TRIM9: variants seen among roughly 807,000 people sequenced by gnomAD.
TRIM9 encodes tripartite motif containing 9, also known as E3 ubiquitin-protein ligase TRIM9.
TRIM9 carries 26 observed loss-of-function variants against 78.3 expected under a neutral mutation model. That is an observed-to-expected ratio of 0.33 (90% CI 0.24 to 0.46). The LOEUF is 0.46. Among genes scored for constraint, TRIM9 ranks in the 20% least tolerant of loss-of-function variants. The probability of loss-of-function intolerance (pLI) is 1.00; values close to 1 mark genes in which losing one functional copy is unlikely to be tolerated. For synonymous variants in TRIM9, 398 were observed against 416.5 expected, an observed-to-expected ratio of 0.96 and a Z score of 0.54; for missense variants, 787 against 1,036.4, an observed-to-expected ratio of 0.76 and a Z score of 3.30.
chr14:51,066,079 AGG>A, intron 1 of TRIM9, among the ~76,000 whole-genome samples: 1 of 99,426 alleles, frequency 1.0e-5, no homozygotes, highest in Admixed American at 1.2e-4. Context: ...GAAGGAAGGA[AGG>A]AAGGAAGGAG....
At chr14:51,080,835 C>G (rs185878969) in intron 1 of TRIM9, among the ~76,000 whole-genome samples, 1 of 152,316 alleles carries the variant, frequency 6.6e-6, no homozygotes, top group African/African-American at 2.4e-5. Context: ...GGAGGAGGAA[C>G]AGCTGCTATA....
intron 1 of TRIM9, among the ~76,000 whole-genome samples, chr14:51,068,669 T>C (rs2061957045): frequency 6.6e-6 from 1 of 152,166 alleles, no homozygotes; most frequent in Non-Finnish European, 1.5e-5. Flanking sequence ...CCAGACACTG[T>C]TTTGCCACTA....
At chr14:51,063,651 CA>C (rs2061516221) in intron 1 of TRIM9, among the ~76,000 whole-genome samples, 1 of 151,118 alleles carries the variant, frequency 6.6e-6, no homozygotes, top group Non-Finnish European at 1.5e-5. Flanking sequence ...GACTTCTCAC[CA>C]AAAACAAAAA....
rs932057934 is a variant in TRIM9, at chr14:51,022,971, C to G, written c.919-14G>C. The G allele has an allele frequency of 1.9e-6, 3 of 1,613,466 alleles. No homozygotes were observed. The highest frequency in any genetic ancestry group is 2.5e-6 in the Non-Finnish European group (3 of 1,179,888). On this transcript the variant is annotated splice_polypyrimidine_tract_variant and intron_variant, in intron 2 of 12. Transcript: ENST00000684578. ...CACACTGTTCTCCTGTGTAACAGAG[C>G]ACATTTCTCAACTGCAAGCTGCTGG...
intron 6 of TRIM9, among the ~76,000 whole-genome samples, chr14:50,998,539 A>C (rs1195139686): frequency 6.6e-6 from 1 of 152,170 alleles, no homozygotes; most frequent in Non-Finnish European, 1.5e-5. Flanking sequence ...TTCAGATTAC[A>C]CTTATTAACT....
chr14:51,071,066 A>G (rs527822313), intron 1 of TRIM9, among the ~76,000 whole-genome samples: 2 of 152,250 alleles, frequency 1.3e-5, no homozygotes, highest in Middle Eastern at 3.4e-3. Context: ...GGACGACAAA[A>G]TAAGAATCCT....
chr14:51,050,197 G>A (rs2060283273), intron 1 of TRIM9, among the ~76,000 whole-genome samples: 1 of 152,150 alleles, frequency 6.6e-6, no homozygotes, highest in Non-Finnish European at 1.5e-5. Context: ...TTCCAAATGT[G>A]CCTGATATGG....
chr14:51,017,063 A>C (rs1473735859), intron 3 of TRIM9, among the ~76,000 whole-genome samples: 1 of 152,212 alleles, frequency 6.6e-6, no homozygotes, highest in African/African-American at 2.4e-5. Flanking sequence ...TGGCTGTTAG[A>C]TCTTTCTGAC....
At chr14:50,980,281 C>T (rs1405704793) in intron 11 of TRIM9, among the ~76,000 whole-genome samples, 1 of 152,116 alleles carries the variant, frequency 6.6e-6, no homozygotes, top group Non-Finnish European at 1.5e-5. Flanking sequence ...CATACAAATG[C>T]CATTTTACAA....
chr14:51,010,563 A>G, intron 3 of TRIM9, 69 bp from the exon 4 acceptor site: 2 of 1,126,618 alleles, frequency 1.8e-6, no homozygotes, highest in Non-Finnish European at 1.3e-6. Context: ...AAACTGGACC[A>G]TTGGAAAGCT....
intron 1 of TRIM9, among the ~76,000 whole-genome samples, chr14:51,039,117 G>T (rs2059390613): frequency 6.6e-6 from 1 of 152,206 alleles, no homozygotes; most frequent in South Asian, 2.1e-4. Context: ...GATTGGCACA[G>T]CTTCTTTAAA....
chr14:51,025,114 T>C (rs1246367406), intron 2 of TRIM9, 151 bp downstream of exon 2: 1 of 700,320 alleles, frequency 1.4e-6, no homozygotes, highest in East Asian at 2.6e-5. Context: ...TTGAAGTTGA[T>C]CTCTATGTGT....
chr14:51,071,403 A>AG (rs1340256995), intron 1 of TRIM9, among the ~76,000 whole-genome samples: 1 of 142,932 alleles, frequency 7.0e-6, no homozygotes, highest in African/African-American at 2.6e-5. Context: ...AAAAAAAAAA[A>AG]GACAAGACAA....
chr14:51,043,323 T>A (rs1021727923), intron 1 of TRIM9, among the ~76,000 whole-genome samples: 1 of 152,130 alleles, frequency 6.6e-6, no homozygotes, highest in Admixed American at 6.5e-5. Context: ...AGCTGAGACA[T>A]GCAGCCGGAG....
intron 5 of TRIM9, among the ~76,000 whole-genome samples, chr14:51,001,428 A>C (rs959566179): frequency 1.3e-5 from 2 of 151,788 alleles, no homozygotes; most frequent in Non-Finnish European, 2.9e-5. Flanking sequence ...ACGGGGTTTC[A>C]CTGTGTTAGC....
rs184681680 is a variant in TRIM9, at chr14:51,063,556, C to T, written c.822+30562G>A. Among the ~76,000 whole-genome samples, 76 of 151,892 alleles carry T rather than the reference C, an allele frequency of 5.0e-4. 2 individuals carry two copies. In the Middle Eastern group the frequency reaches 0.024, roughly 48 times the overall value. On this transcript the variant is annotated intron_variant, in intron 1 of 12. Coordinates refer to ENST00000684578, the MANE Select transcript of TRIM9 (RefSeq NM_001387360.1). ...TACACATACATATGACAGTCAAAGTCCTAAAAACCAAAGATAAAGATAATA... is the reference window on the plus strand; with the variant it reads ...TACACATACATATGACAGTCAAAGTTCTAAAAACCAAAGATAAAGATAATA...
At position 51,084,318 on chromosome 14, in the gene TRIM9, C is replaced by T. The variant is rs544367578; in HGVS notation, c.822+9800G>A. Among the ~76,000 whole-genome samples, 4 of 152,202 alleles carry T rather than the reference C, an allele frequency of 2.6e-5. 1 individual carries two copies. Among genetic ancestry groups the T allele is most frequent in the African/African-American group, 9.6e-5 (4 of 41,524 alleles). ...AGTGTTCACACAAGTTCCTACATTC[C>T]ATATTTCTTGATTCTTTAAGTAAAA... On this transcript the variant is annotated intron_variant, in intron 1 of 12. Transcript: ENST00000684578.
intron 2 of TRIM9, 134 bp downstream of exon 2, chr14:51,025,131 G>A (rs2058096860): frequency 5.0e-6 from 4 of 799,118 alleles, no homozygotes; most frequent in South Asian, 1.7e-5. Flanking sequence ...GTGTTTGTAT[G>A]TAAAGAACAA....
chr14:51,086,087 A>G (rs1223575725), intron 1 of TRIM9, among the ~76,000 whole-genome samples: 2 of 152,172 alleles, frequency 1.3e-5, no homozygotes, highest in Non-Finnish European at 2.9e-5. Flanking sequence ...TTTCTCAGTA[A>G]TTTTCATATA....
Sources: gnomAD v4.1 joint callset for allele counts (sites outside exome capture counted in the v4.1 genomes callset) on GRCh38, gnomAD v4.1.1 for gene constraint, MANE v1.5 for transcripts, NCBI Gene and HGNC (gene_info 2026-07-23, HGNC 2026-07-21) for gene names.